Variants in FBXL17 observed in about 807,000 individuals in gnomAD.
FBXL17 encodes F-box/LRR-repeat protein 17.
In FBXL17, 22 loss-of-function variants were observed where a neutral mutation model predicts 66.2. The ratio of observed to expected loss-of-function variants is 0.33; its 90% CI spans 0.24 to 0.47. The LOEUF (loss-of-function observed/expected upper bound fraction) is 0.47. Among genes scored for constraint, FBXL17 ranks in the 20% least tolerant of loss-of-function variants. The pLI is 1.00. For synonymous variants in FBXL17, 474 were observed against 400.5 expected, an observed-to-expected ratio of 1.18 and a Z score of -2.19; for missense variants, 878 against 948.2, an observed-to-expected ratio of 0.93 and a Z score of 0.97.
intron 6 of FBXL17, among the ~76,000 whole-genome samples, chr5:108,021,499 A>G (rs1233486773): frequency 6.6e-6 from 1 of 151,546 alleles, no homozygotes; most frequent in Non-Finnish European, 1.5e-5. Context: ...CAGATTAAAG[A>G]TGAAAGAAAA....
intron 6 of FBXL17, among the ~76,000 whole-genome samples, chr5:108,038,005 G>T (rs1746910106): frequency 1.3e-5 from 2 of 152,032 alleles, no homozygotes; most frequent in Admixed American, 6.6e-5. Context: ...ATATGGAATG[G>T]CACCATAAGA....
chr5:108,148,398 G>T (rs1042144112), intron 6 of FBXL17, among the ~76,000 whole-genome samples: 3 of 152,088 alleles, frequency 2.0e-5, no homozygotes, highest in African/African-American at 7.2e-5. Flanking sequence ...CTTTTGCCTT[G>T]CTTCTGCATT....
chr5:108,048,692 G>A (rs1747354757), intron 6 of FBXL17, among the ~76,000 whole-genome samples: 1 of 152,126 alleles, frequency 6.6e-6, no homozygotes, highest in Non-Finnish European at 1.5e-5. Flanking sequence ...TCAACCAAGT[G>A]GAAGAAAGAA....
intron 6 of FBXL17, among the ~76,000 whole-genome samples, chr5:108,140,339 C>A (rs149077362): frequency 6.6e-6 from 1 of 152,200 alleles, no homozygotes; most frequent in Non-Finnish European, 1.5e-5. Context: ...GCCACTGCGC[C>A]TGGCAACCCA....
intron 3 of FBXL17, among the ~76,000 whole-genome samples, chr5:108,351,718 T>C (rs991498643): frequency 1.3e-5 from 2 of 152,326 alleles, no homozygotes; most frequent in South Asian, 2.1e-4. Flanking sequence ...GTCATACTTA[T>C]CAATTTGATA....
chr5:108,007,012 T>C (rs904321250), intron 7 of FBXL17, among the ~76,000 whole-genome samples: 30 of 152,192 alleles, frequency 2.0e-4, no homozygotes, highest in African/African-American at 7.2e-4. Context: ...TTTTTGATAG[T>C]TATGAATTAT....
At chr5:108,199,073 T>C (rs906571311) in intron 5 of FBXL17, among the ~76,000 whole-genome samples, 1 of 152,106 alleles carries the variant, frequency 6.6e-6, no homozygotes, top group Non-Finnish European at 1.5e-5. Flanking sequence ...TTCAAAAGCT[T>C]CAGCCAATTG....
rs548219948 is a variant in FBXL17, at chr5:107,860,233, G to A, written c.*1487C>T. 1.0e-4 allele frequency: 16 copies of A among 152,732 alleles called. No individual in the cohort carries two copies. Among genetic ancestry groups the A allele is most frequent in the Admixed American group, 7.8e-4 (12 of 15,308 alleles). The allele number at this position is 152,732 out of a possible 1,614,324, so 9.5% of individuals were successfully genotyped here. On this transcript the variant is annotated 3_prime_UTR_variant, in exon 9 of 9. Transcript: ENST00000542267. ...TAGCAATGTGAGACTTAAAGAAAGT[G>A]AAACTCAAACCTCAGTATATCTGTT... is the stretch of plus-strand genomic sequence containing the variant.
At chr5:108,313,921 T>C (rs1255544935) in intron 4 of FBXL17, among the ~76,000 whole-genome samples, 1 of 151,932 alleles carries the variant, frequency 6.6e-6, no homozygotes, top group Non-Finnish European at 1.5e-5. Context: ...AATAAAATTC[T>C]TACTAATATG....
At chr5:108,076,807 A>G (rs1207562982) in intron 6 of FBXL17, among the ~76,000 whole-genome samples, 1 of 152,122 alleles carries the variant, frequency 6.6e-6, no homozygotes, top group African/African-American at 2.4e-5. Context: ...ATTCCCTCTG[A>G]GGGAGGCTTC....
chr5:108,244,006 T>C (rs1755979696), intron 4 of FBXL17, among the ~76,000 whole-genome samples: 1 of 152,156 alleles, frequency 6.6e-6, no homozygotes, highest in Non-Finnish European at 1.5e-5. Flanking sequence ...CCAGCTATGA[T>C]AAAGGCAATG....
chr5:108,373,232 T>C (rs1446239867), intron 1 of FBXL17, among the ~76,000 whole-genome samples: 1 of 136,556 alleles, frequency 7.3e-6, no homozygotes, highest in Non-Finnish European at 1.5e-5. Flanking sequence ...TTAATATAAA[T>C]ATAATATATA....
Position 108,223,344 on chromosome 5 carries a change from T to C in FBXL17, c.1614+777A>G, listed in dbSNP as rs1215095425. On this transcript the variant is annotated intron_variant, in intron 5 of 8. Transcript: ENST00000542267. The stretch of plus-strand genomic sequence containing the variant: ...GCCAATACAGCAACTTTCTAATAGT[T>C]GTGAAATGAAGGAAGGTTGAAGGAA... Among the ~76,000 whole-genome samples, 3 of 152,190 alleles carry C rather than the reference T, an allele frequency of 2.0e-5. No homozygotes were observed. In the East Asian group the frequency reaches 5.8e-4, roughly 29 times the overall value.
At chr5:108,136,686 CT>C (rs1369703770) in intron 6 of FBXL17, among the ~76,000 whole-genome samples, 3 of 152,104 alleles carry the variant, frequency 2.0e-5, no homozygotes, top group African/African-American at 7.2e-5. Flanking sequence ...TAAATTTGCA[CT>C]GTGGATAAAG....
chr5:108,131,251 C>A (rs1750920711), intron 6 of FBXL17, among the ~76,000 whole-genome samples: 2 of 152,104 alleles, frequency 1.3e-5, no homozygotes, highest in Non-Finnish European at 2.9e-5. Flanking sequence ...CTTGACTATT[C>A]ACCAGTGGAA....
At chr5:108,325,038 G>A (rs992808513) in intron 4 of FBXL17, among the ~76,000 whole-genome samples, 4 of 152,070 alleles carry the variant, frequency 2.6e-5, no homozygotes, top group African/African-American at 9.7e-5. Flanking sequence ...GTTTTCAGGA[G>A]CTGGAGGAAA....
intron 7 of FBXL17, among the ~76,000 whole-genome samples, chr5:107,920,509 C>T (rs1045295693): frequency 1.3e-5 from 2 of 152,178 alleles, no homozygotes; most frequent in African/African-American, 4.8e-5. Flanking sequence ...AGAGTTAATA[C>T]AATTTCTAGG....
At chr5:107,861,919 C>G in intron 8 of FBXL17, 59 bp from the exon 9 acceptor site, 1 of 1,405,054 alleles carries the variant, frequency 7.1e-7, no homozygotes, top group Non-Finnish European at 9.4e-7. Context: ...CGCCGCTGCC[C>G]ACGCTCACTG....
chr5:107,984,193 G>A (rs145947138), intron 7 of FBXL17, among the ~76,000 whole-genome samples: 118 of 152,004 alleles, frequency 7.8e-4, no homozygotes, highest in African/African-American at 2.8e-3. Flanking sequence ...GTTATATAGA[G>A]GTAATATTAG....
Sources: allele counts gnomAD v4.1 joint callset (sites outside exome capture counted in the v4.1 genomes callset), GRCh38; gene constraint gnomAD v4.1.1; transcripts MANE v1.5; gene names NCBI Gene and HGNC (gene_info 2026-07-23, HGNC 2026-07-21).